The following INTS6L variants were observed in gnomAD, a reference collection of about 807,000 sequenced individuals.
INTS6L encodes integrator complex subunit 6-like.
Under a neutral mutation model 64.7 loss-of-function variants are expected in INTS6L, and 18 were observed. That is an observed-to-expected ratio of 0.28 (90% CI 0.19 to 0.41). The LOEUF (loss-of-function observed/expected upper bound fraction) is 0.41. Ranked by LOEUF, INTS6L falls within the 10% of genes least tolerant of loss-of-function variation. The pLI is 1.00. For synonymous variants in INTS6L, 227 were observed against 235.9 expected (o/e 0.96, Z 0.34); for missense variants, 533 against 661.0 (o/e 0.81, Z 2.12).
intron 2 of INTS6L, among the ~76,000 whole-genome samples, chrX:135,544,189 T>TATCC (rs1422084646): frequency 9.0e-6 from 1 of 111,657 alleles, no homozygotes; most frequent in Admixed American, 9.5e-5. Context: ...TGTCCCTGCT[T>TATCC]ATCAGATCAT....
intron 13 of INTS6L, 72 bp downstream of exon 13, chrX:135,574,134 T>A (rs1465928317): frequency 9.4e-7 from 1 of 1,058,229 alleles, no homozygotes; most frequent in Non-Finnish European, 1.3e-6. Context: ...AAGGTGTTTA[T>A]TGCATAATGA....
chrX:135,567,996 T>C (rs1169277808), intron 9 of INTS6L, among the ~76,000 whole-genome samples: 1 of 111,532 alleles, frequency 9.0e-6, no homozygotes, highest in Non-Finnish European at 1.9e-5. Context: ...TGGTTTTGTC[T>C]CTGTAAGTAA....
intron 2 of INTS6L, among the ~76,000 whole-genome samples, chrX:135,537,257 A>T (rs2086081577): frequency 8.9e-6 from 1 of 112,145 alleles, no homozygotes; most frequent in South Asian, 3.7e-4. Flanking sequence ...TCACTGATAG[A>T]AAGGCCCATG....
chrX:135,576,761 T>G (rs2087240822), intron 14 of INTS6L, among the ~76,000 whole-genome samples: 1 of 112,600 alleles, frequency 8.9e-6, no homozygotes, highest in African/African-American at 3.2e-5. Flanking sequence ...TGTTGTTTAA[T>G]GATATGAGTT....
intron 9 of INTS6L, among the ~76,000 whole-genome samples, chrX:135,560,929 T>C (rs1556521886): frequency 3.9e-5 from 4 of 101,801 alleles, no homozygotes; most frequent in Non-Finnish European, 8.0e-5. Context: ...GCTTCTCAAA[T>C]GCTCTTTCTT....
In INTS6L at chrX:135,580,181, T is replaced by C. The variant is rs2087336283; in HGVS notation, c.2494+19T>C. 5.2e-6 allele frequency: 6 copies of C among 1,162,378 alleles called. 1 individual carries two copies. In the East Asian group the frequency reaches 1.8e-4, roughly 35 times the overall value. ...GGTCGAAGTAAGTAGTGAAAGAACA[T>C]CTATCAATAATGCACCAGGAGGTTT... On this transcript the variant is annotated intron_variant, in intron 16 of 17. Transcript: ENST00000639893.
At chrX:135,563,633 G>GTGTGTGTGTGTATATA (rs1556523326) in intron 9 of INTS6L, among the ~76,000 whole-genome samples, 1 of 10,385 alleles carries the variant, frequency 9.6e-5, no homozygotes, top group African/African-American at 1.8e-4. Flanking sequence ...GTGTGTGTGT[G>GTGTGTGTGTGTATATA]TATATATATA....
rs374389347 is a variant in INTS6L at position 135,572,918 on chromosome X, C to T, written c.1502C>T (p.Thr501Ile). 4.5e-5 allele frequency: 54 copies of T among 1,209,542 alleles called. No homozygotes were observed. The highest frequency in any genetic ancestry group is 5.4e-5 in the Non-Finnish European group (48 of 894,841). The change falls in exon 12 of 18, where the codon ACT becomes ATT. Residue 501 changes from threonine (T) to isoleucine (I), a missense_variant. Thr to Ile is a moderately conservative substitution (Grantham distance 89). Transcript: ENST00000639893. ...KNHSGGGMSL[T>I]HNKNFRKLLK... ...CATTCTGGAGGTGGCATGTCCTTGA[C>T]TCACAATAAAAATTTTAGAAAACTA...
intron 9 of INTS6L, among the ~76,000 whole-genome samples, chrX:135,564,962 G>A (rs1361822274): frequency 1.8e-5 from 2 of 111,173 alleles, no homozygotes; most frequent in African/African-American, 3.3e-5. Flanking sequence ...AAAAGGGAGG[G>A]ATCTCCTTGT....
intron 2 of INTS6L, among the ~76,000 whole-genome samples, chrX:135,524,894 A>G (rs2085689634): frequency 1.8e-5 from 2 of 112,502 alleles, no homozygotes; most frequent in African/African-American, 3.2e-5. Context: ...CTTAAGTACC[A>G]CATAAAAAGC....
chrX:135,534,869 G>A (rs2086012563), intron 2 of INTS6L, among the ~76,000 whole-genome samples: 1 of 109,275 alleles, frequency 9.2e-6, no homozygotes, highest in Admixed American at 9.8e-5. Flanking sequence ...GAGTCTCGCT[G>A]TGTTGCCCAG....
At chrX:135,537,596 G>A (rs782349594) in intron 2 of INTS6L, among the ~76,000 whole-genome samples, 8 of 111,964 alleles carry the variant, frequency 7.1e-5, no homozygotes, top group African/African-American at 2.6e-4. Context: ...GTGACAGCTA[G>A]GAATAGACTA....
At chrX:135,527,282 G>C (rs1382617636) in intron 2 of INTS6L, among the ~76,000 whole-genome samples, 1 of 112,015 alleles carries the variant, frequency 8.9e-6, no homozygotes, top group East Asian at 2.8e-4. Flanking sequence ...TTGACACTAC[G>C]GCAGTCTCGG....
chrX:135,549,848 T>C lies in INTS6L; in HGVS notation c.906+43T>C, dbSNP rs782322885. 5.9e-6 allele frequency: 7 copies of C among 1,189,127 alleles called. No homozygotes were observed. The Admixed American group carries it at 1.6e-4, about 26-fold the overall frequency. ...AAAAGGTAAACATCATTCTGGATTT[T>C]CAATTTTCTGATTACAGTGAACCTT... is the stretch of plus-strand genomic sequence containing the variant. On this transcript the variant is annotated intron_variant, in intron 7 of 17. Coordinates refer to ENST00000639893, the MANE Select transcript of INTS6L (RefSeq NM_001351601.3).
intron 2 of INTS6L, among the ~76,000 whole-genome samples, chrX:135,539,814 A>C (rs2086156913): frequency 9.0e-6 from 1 of 111,679 alleles, no homozygotes; most frequent in Non-Finnish European, 1.9e-5. Flanking sequence ...GGAGAGAGAT[A>C]GGGAACAGCT....
intron 9 of INTS6L, among the ~76,000 whole-genome samples, chrX:135,568,777 C>T (rs1322784898): frequency 5.4e-5 from 6 of 110,641 alleles, no homozygotes; most frequent in African/African-American, 2.0e-4. Flanking sequence ...AACTTCTGGG[C>T]TCAAGTGATT....
In INTS6L at chrX:135,551,914, G is replaced by A. The variant is rs192036791; in HGVS notation, c.907-80G>A. On this transcript the variant is annotated intron_variant, in intron 7 of 17. Coordinates refer to ENST00000639893, the MANE Select transcript of INTS6L (RefSeq NM_001351601.3). ...GTGAAAATGTAACAAAATATAAAAC[G>A]ACTTGCAGAATTGTCAGAAATATAA... 71 of 898,684 alleles carry A rather than the reference G, an allele frequency of 7.9e-5. No homozygotes were observed. The East Asian group carries it at 2.0e-3, about 26-fold the overall frequency. The allele number at this position is 898,684 out of a possible 1,213,427, so 74.1% of individuals were successfully genotyped here.
intron 2 of INTS6L, among the ~76,000 whole-genome samples, chrX:135,539,825 G>A (rs2148596917): frequency 9.0e-6 from 1 of 111,458 alleles, no homozygotes; most frequent in South Asian, 3.8e-4. Flanking sequence ...GGGAACAGCT[G>A]GTCGATGGAG....
intron 9 of INTS6L, among the ~76,000 whole-genome samples, chrX:135,567,087 T>C (rs1556525098): frequency 8.9e-6 from 1 of 111,736 alleles, no homozygotes; most frequent in African/African-American, 3.3e-5. Flanking sequence ...GGTAAGGCAA[T>C]TATCATCTAA....
Sources: allele counts gnomAD v4.1 joint callset (sites outside exome capture counted in the v4.1 genomes callset), GRCh38; gene constraint gnomAD v4.1.1; transcripts MANE v1.5; gene names NCBI Gene and HGNC (gene_info 2026-07-23, HGNC 2026-07-21).